The following TARS3 variants were observed in gnomAD, a reference collection of about 807,000 sequenced individuals.
TARS3 encodes threonine--tRNA ligase 2, cytoplasmic.
In TARS3, 94 loss-of-function variants were observed where a neutral mutation model predicts 103.5. The observed-to-expected ratio is 0.91, with a 90% CI of 0.77 to 1.08. The LOEUF (loss-of-function observed/expected upper bound fraction) is 1.08, where lower values mean the gene tolerates loss of function less well. TARS3 is among the 50% of genes least tolerant of loss of function. The pLI, the probability that TARS3 is intolerant of heterozygous loss-of-function variation, is 0.00. For synonymous variants in TARS3, 416 were observed against 355.4 expected (o/e 1.17, Z -1.92); for missense variants, 952 against 995.2 (o/e 0.96, Z 0.58).
At chr15:101,717,325 T>G (rs1344105859) in intron 3 of TARS3, among the ~76,000 whole-genome samples, 1 of 152,240 alleles carries the variant, frequency 6.6e-6, no homozygotes, top group East Asian at 1.9e-4. Flanking sequence ...TTATAGGACC[T>G]TCCTCATTCA....
At chr15:101,701,782 C>CT (rs936936134) in intron 9 of TARS3, among the ~76,000 whole-genome samples, 70 of 147,682 alleles carry the variant, frequency 4.7e-4, no homozygotes, top group East Asian at 1.4e-3. Flanking sequence ...AAAAACAACT[C>CT]TTTTTTTTTT....
intron 4 of TARS3, among the ~76,000 whole-genome samples, chr15:101,713,697 G>A (rs939638720): frequency 2.0e-5 from 3 of 152,190 alleles, no homozygotes; most frequent in Admixed American, 6.5e-5. Flanking sequence ...AGGCAAACAG[G>A]AAGAAATAAG....
chr15:101,681,807 T>C (rs187468593), intron 12 of TARS3, among the ~76,000 whole-genome samples: 3 of 152,196 alleles, frequency 2.0e-5, no homozygotes, highest in African/African-American at 4.8e-5. Context: ...CACCATCACA[T>C]TGGGGGTTAG....
At chr15:101,655,357 T>C (rs28474799) in intron 18 of TARS3, among the ~76,000 whole-genome samples, 1,814 of 87,758 alleles carry the variant, frequency 0.021, 128 homozygotes, top group African/African-American at 0.084. Context: ...GGCACTAGGG[T>C]GCAAATGAGA....
intron 10 of TARS3, among the ~76,000 whole-genome samples, chr15:101,686,297 T>A (rs185872286): frequency 6.6e-6 from 1 of 152,256 alleles, no homozygotes; most frequent in African/African-American, 2.4e-5. Flanking sequence ...GTATATAGTA[T>A]ATAATGTTTT....
intron 8 of TARS3, among the ~76,000 whole-genome samples, chr15:101,702,952 G>C (rs1184318291): frequency 1.3e-5 from 2 of 152,144 alleles, no homozygotes; most frequent in Admixed American, 6.5e-5. Flanking sequence ...CAGAAAGGAG[G>C]GAAGGCTAAG....
chr15:101,685,193 G>A (rs1389354034), intron 11 of TARS3, among the ~76,000 whole-genome samples: 1 of 152,140 alleles, frequency 6.6e-6, no homozygotes, highest in East Asian at 1.9e-4. Flanking sequence ...AACTATGTAT[G>A]TTGATAATAC....
intron 10 of TARS3, among the ~76,000 whole-genome samples, chr15:101,692,025 T>C (rs528698361): frequency 7.9e-5 from 12 of 152,340 alleles, no homozygotes; most frequent in African/African-American, 2.4e-4. Context: ...CAATTCCTCA[T>C]AATAAATCTC....
chr15:101,697,726 T>C lies in TARS3; in HGVS notation c.1320+3360A>G, dbSNP rs1003115149. ...GTAAGACACTGTGAAAACCTCAGAA[T>C]GATCTACTGTAAGTGCACCTAGTAA... On this transcript the variant is annotated intron_variant, in intron 10 of 18. Coordinates refer to ENST00000335968, the MANE Select transcript of TARS3 (RefSeq NM_152334.3). Among the ~76,000 whole-genome samples, 3 of 152,156 alleles carry C rather than the reference T, an allele frequency of 2.0e-5. No individual in the cohort carries two copies. The East Asian group carries it at 5.8e-4, about 29-fold the overall frequency.
chr15:101,705,669 G>A lies in TARS3; in HGVS notation c.995+14C>T, dbSNP rs79089129. 2 of 1,606,902 alleles carry A rather than the reference G, an allele frequency of 1.2e-6. No individual in the cohort carries two copies. The highest frequency in any genetic ancestry group is 1.3e-5 in the African/African-American group (1 of 74,870). Reference sequence around the variant, plus strand: ...TTTACCACTGAGCAGCGTTTACCATGTGTGGACACAAACCTGTACACGGTG... The same window carrying A: ...TTTACCACTGAGCAGCGTTTACCATATGTGGACACAAACCTGTACACGGTG... On this transcript the variant is annotated intron_variant, in intron 7 of 18. Coordinates refer to ENST00000335968, the MANE Select transcript of TARS3 (RefSeq NM_152334.3).
chr15:101,683,604 T>C (rs1189081160), intron 12 of TARS3, among the ~76,000 whole-genome samples: 1 of 152,190 alleles, frequency 6.6e-6, no homozygotes, highest in African/African-American at 2.4e-5. Context: ...ATTGGCATAT[T>C]ACCCACCCCA....
rs756932510 is a variant in TARS3 at position 101,714,885 on chromosome 15, GT to G, written c.644del (p.Asp215AlafsTer4). The G allele has an allele frequency of 1.9e-6, 3 of 1,613,412 alleles. No homozygotes were observed. The highest frequency in any genetic ancestry group is 2.5e-6 in the Non-Finnish European group (3 of 1,179,626). ...CAAATGTAAGCAGCTCTAGAGAAGA[GT>G]CCCCTTCCAATGGGCGGTCCAGGTC... ...LWDLDRPLEG[D>X]SSLELLTFDN... On this transcript the variant is annotated frameshift_variant, in exon 4 of 19. Coordinates refer to ENST00000335968, the MANE Select transcript of TARS3 (RefSeq NM_152334.3). LOFTEE classifies it high-confidence loss of function.
At chr15:101,716,228 G>A (rs1900152802) in intron 3 of TARS3, among the ~76,000 whole-genome samples, 1 of 152,094 alleles carries the variant, frequency 6.6e-6, no homozygotes, top group South Asian at 2.1e-4. Flanking sequence ...TATTGGCCAG[G>A]ATGGTCTTCT....
At chr15:101,684,273 G>C in intron 11 of TARS3, 36 bp from the exon 12 acceptor site, 1 of 1,534,520 alleles carries the variant, frequency 6.5e-7, no homozygotes, top group Non-Finnish European at 8.8e-7. Flanking sequence ...CTTTTACACA[G>C]CACAGAAATA....
chr15:101,681,044 T>C (rs889682879), intron 12 of TARS3, among the ~76,000 whole-genome samples: 1 of 152,246 alleles, frequency 6.6e-6, no homozygotes, highest in East Asian at 1.9e-4. Context: ...GCATCATTTG[T>C]TGAACATATT....
chr15:101,686,207 G>A, intron 10 of TARS3, 145 bp from the exon 11 acceptor site: 1 of 649,606 alleles, frequency 1.5e-6, no homozygotes. Context: ...TAGGTGTGGT[G>A]GTTTCTGGAT....
At chr15:101,658,060 T>C (rs188305665) in intron 16 of TARS3, among the ~76,000 whole-genome samples, 3 of 152,270 alleles carry the variant, frequency 2.0e-5, no homozygotes, top group East Asian at 3.9e-4. Flanking sequence ...ATAGCACAAG[T>C]GCAGGTAGAA....
intron 10 of TARS3, among the ~76,000 whole-genome samples, chr15:101,696,995 T>G (rs1392882820): frequency 6.6e-6 from 1 of 152,222 alleles, no homozygotes; most frequent in Non-Finnish European, 1.5e-5. Flanking sequence ...AAGGGATGCA[T>G]GTAACATGCA....
chr15:101,684,198 C>G lies in TARS3; in HGVS notation c.1527G>C (p.Met509Ile), dbSNP rs1898370869. Reference sequence around the variant, plus strand: ...CTCCAAAATCAGCAAATCTAATAGGCATTTCCCTCCAAGATCGTGGACGAT... The same window carrying G: ...CTCCAAAATCAGCAAATCTAATAGGGATTTCCCTCCAAGATCGTGGACGAT... ...FAHRPRSWRE[M>I]PIRFADFGVL... The change falls in exon 12 of 19, where the codon ATG becomes ATC. Residue 509 changes from methionine to isoleucine, a missense_variant. Physicochemically the swap from Met to Ile is conservative, Grantham distance 10 (BLOSUM62 1). Transcript: ENST00000335968. 3.1e-6 allele frequency: 5 copies of G among 1,613,942 alleles called. No homozygotes were observed. The African/African-American group carries it at 4.0e-5, about 13-fold the overall frequency.
Sources: gnomAD v4.1 joint callset for allele counts (sites outside exome capture counted in the v4.1 genomes callset) on GRCh38, gnomAD v4.1.1 for gene constraint, MANE v1.5 for transcripts, NCBI Gene and HGNC (gene_info 2026-07-23, HGNC 2026-07-21) for gene names.